HSD17B12: variants seen among roughly 807,000 people sequenced by gnomAD.
The protein encoded by HSD17B12 is hydroxysteroid 17-beta dehydrogenase 12.
A neutral mutation model predicts 39.3 loss-of-function variants in HSD17B12; 32 were observed. That is an observed-to-expected ratio of 0.81 (90% confidence interval 0.61 to 1.09). HSD17B12 has a LOEUF of 1.09. Among genes scored for constraint, HSD17B12 ranks in the 50% least tolerant of loss-of-function variants. HSD17B12 has a pLI of 0.00. For synonymous variants in HSD17B12, 150 were observed against 146.7 expected (o/e 1.02, Z -0.16); for missense variants, 342 against 382.9 (o/e 0.89, Z 0.89).
chr11:43,801,632 GTA>G, intron 4 of HSD17B12, among the ~76,000 whole-genome samples: 1 of 15,812 alleles, frequency 6.3e-5, no homozygotes, highest in Middle Eastern at 0.028. Context: ...ATATATATAT[GTA>G]TATGTATGTA....
chr11:43,818,897 G>T (rs1026188150), intron 6 of HSD17B12, among the ~76,000 whole-genome samples: 1 of 151,994 alleles, frequency 6.6e-6, no homozygotes, highest in African/African-American at 2.4e-5. Flanking sequence ...AGCAAGCAAA[G>T]GTTTTTGATC....
the HSD17B12 span, among the ~76,000 whole-genome samples, chr11:43,668,876 A>G: frequency 6.6e-6 from 1 of 151,540 alleles, no homozygotes; most frequent in South Asian, 2.1e-4. Flanking sequence ...TTTTTTTTTT[A>G]GAGATGGAGT....
Position 43,680,932 on chromosome 11 carries a change from G to A in HSD17B12, c.105G>A (p.Arg35=), listed in dbSNP as rs868591259. 16 of 1,612,714 alleles carry A rather than the reference G, an allele frequency of 9.9e-6. No individual in the cohort carries two copies. The Middle Eastern group carries it at 2.3e-3, about 234-fold the overall frequency. The stretch of plus-strand genomic sequence containing the variant: ...CGTACTCGCTCTTCACGGCCCTCCG[G>A]GTCTGGGGAGTGGGGAATGAGGCGG... The part of the protein sequence containing the change: ...RISYSLFTAL[R]VWGVGNEAGV... The change falls in exon 1 of 11, where the codon CGG becomes CGA. Residue 35 remains arginine (R), a synonymous_variant. Coordinates refer to ENST00000278353, the MANE Select transcript of HSD17B12 (RefSeq NM_016142.3).
At chr11:43,627,326 G>C in the HSD17B12 span, among the ~76,000 whole-genome samples, 2 of 151,260 alleles carry the variant, frequency 1.3e-5, no homozygotes, top group Admixed American at 1.3e-4. Flanking sequence ...AGGATGATTA[G>C]GTAAAAAATT....
At chr11:43,788,007 A>T (rs192486179) in intron 3 of HSD17B12, among the ~76,000 whole-genome samples, 13 of 152,292 alleles carry the variant, frequency 8.5e-5, no homozygotes, top group African/African-American at 1.9e-4. Flanking sequence ...TTACTTTTTT[A>T]AAAAAATTAG....
At chr11:43,844,749 T>C (rs1951459017) in intron 9 of HSD17B12, among the ~76,000 whole-genome samples, 1 of 152,184 alleles carries the variant, frequency 6.6e-6, no homozygotes, top group South Asian at 2.1e-4. Context: ...TGAACTCTTA[T>C]TCTGCAAAAT....
intron 4 of HSD17B12, among the ~76,000 whole-genome samples, chr11:43,799,546 T>C (rs1950946245): frequency 6.6e-6 from 1 of 152,170 alleles, no homozygotes; most frequent in Non-Finnish European, 1.5e-5. Context: ...CACCGCTCTT[T>C]GAGAGTCGTT....
At chr11:43,712,331 G>A (rs1345686831) in intron 1 of HSD17B12, among the ~76,000 whole-genome samples, 1 of 152,092 alleles carries the variant, frequency 6.6e-6, no homozygotes, top group African/African-American at 2.4e-5. Flanking sequence ...GGAGGCTGAG[G>A]CAGGAGAATT....
the HSD17B12 span, chr11:43,646,126 C>T: frequency 6.6e-6 from 1 of 152,318 alleles, no homozygotes; most frequent in Non-Finnish European, 1.5e-5. Flanking sequence ...ACCCCTCCAA[C>T]CTGGGCAACA....
intron 3 of HSD17B12, among the ~76,000 whole-genome samples, chr11:43,767,275 T>C (rs1265189743): frequency 6.6e-6 from 1 of 152,244 alleles, no homozygotes; most frequent in South Asian, 2.1e-4. Context: ...ACCATTTAAG[T>C]AGAGAATGTT....
chr11:43,788,941 G>T (rs979377195), intron 3 of HSD17B12, among the ~76,000 whole-genome samples: 1 of 151,978 alleles, frequency 6.6e-6, no homozygotes, highest in Non-Finnish European at 1.5e-5. Flanking sequence ...TTTACACTGG[G>T]TCCCACAAAT....
At chr11:43,563,003 A>G in the HSD17B12 span, among the ~76,000 whole-genome samples, 15 of 152,220 alleles carry the variant, frequency 9.9e-5, no homozygotes, top group Non-Finnish European at 2.2e-4. Flanking sequence ...TAGATGTTCC[A>G]AGTCCTCCTT....
chr11:43,853,466 G>A (rs1480810066), intron 9 of HSD17B12: 1 of 151,684 alleles, frequency 6.6e-6, no homozygotes, highest in Non-Finnish European at 1.5e-5. Flanking sequence ...TGACCACCAT[G>A]TGTTAGAACC....
chr11:43,745,780 C>T (rs1380704429), intron 1 of HSD17B12, among the ~76,000 whole-genome samples: 1 of 151,944 alleles, frequency 6.6e-6, no homozygotes, highest in Non-Finnish European at 1.5e-5. Flanking sequence ...GCCTGTAATC[C>T]CAGCTTTTGG....
At chr11:43,573,716 G>A in the HSD17B12 span, among the ~76,000 whole-genome samples, 1 of 152,206 alleles carries the variant, frequency 6.6e-6, no homozygotes, top group Non-Finnish European at 1.5e-5. Context: ...GCCCTGCTCT[G>A]TATAGTTTCA....
At chr11:43,665,989 T>A in the HSD17B12 span, among the ~76,000 whole-genome samples, 1 of 152,234 alleles carries the variant, frequency 6.6e-6, no homozygotes, top group African/African-American at 2.4e-5. Context: ...AAGGATATTT[T>A]ATGGTTGTAT....
At chr11:43,747,345 C>T (rs913035915) in intron 1 of HSD17B12, among the ~76,000 whole-genome samples, 16 of 152,086 alleles carry the variant, frequency 1.1e-4, no homozygotes, top group Non-Finnish European at 1.8e-4. Context: ...TTTTCTTTCA[C>T]GTAAAGTGAT....
intron 1 of HSD17B12, among the ~76,000 whole-genome samples, chr11:43,717,047 A>G (rs1298764894): frequency 1.3e-5 from 2 of 152,194 alleles, no homozygotes; most frequent in Non-Finnish European, 2.9e-5. Context: ...GGCTAAAAAT[A>G]GCTCCTGGTA....
intron 1 of HSD17B12, among the ~76,000 whole-genome samples, chr11:43,739,912 G>A (rs1950348963): frequency 6.6e-6 from 1 of 152,180 alleles, no homozygotes; most frequent in African/African-American, 2.4e-5. Flanking sequence ...TGAGAAGCCA[G>A]TGACAGGTTT....
Sources: gnomAD v4.1 joint callset for allele counts (sites outside exome capture counted in the v4.1 genomes callset) on GRCh38, gnomAD v4.1.1 for gene constraint, MANE v1.5 for transcripts, NCBI Gene and HGNC (gene_info 2026-07-23, HGNC 2026-07-21) for gene names.